Variants in LHX2 observed in about 807,000 individuals in gnomAD.
LHX2 encodes the protein LIM/homeobox protein Lhx2.
Under a neutral mutation model 33.0 loss-of-function variants are expected in LHX2, and 6 were observed. The observed-to-expected ratio is 0.18, with a 90% CI of 0.10 to 0.36. The LOEUF (loss-of-function observed/expected upper bound fraction) is 0.36. Ranked by LOEUF, LHX2 falls within the 10% of genes least tolerant of loss-of-function variation. The pLI is 1.00. For missense variants in LHX2, 442 were observed against 586.2 expected, an observed-to-expected ratio of 0.75 and a Z score of 2.54; for synonymous variants, 292 against 253.1, an observed-to-expected ratio of 1.15 and a Z score of -1.46.
chr9:124,018,933 C>G (rs1859244642), intron 3 of LHX2, among the ~76,000 whole-genome samples: 1 of 152,202 alleles, frequency 6.6e-6, no homozygotes, highest in South Asian at 2.1e-4. Context: ...CCCATGGGGG[C>G]GCCGGGGTCC....
intron 3 of LHX2, among the ~76,000 whole-genome samples, chr9:124,019,777 T>A (rs1859259065): frequency 6.6e-6 from 1 of 152,230 alleles, no homozygotes. Context: ...CAGTTCTCAC[T>A]TTAGGCGGAC....
At chr9:124,013,820 G>A in intron 1 of LHX2, 141 bp from the exon 2 acceptor site, 1 of 736,030 alleles carries the variant, frequency 1.4e-6, no homozygotes, top group Non-Finnish European at 2.2e-6. Flanking sequence ...GTGGGGGGAA[G>A]CGCGCCGCAT....
rs749569684 is a variant in LHX2, at chr9:124,012,977, T to C, written c.120+509T>C. The stretch of plus-strand genomic sequence containing the variant: ...AAGTCTTCGGGGCCAACATTTGTCG[T>C]TGATCGCGTCCCCAGACCCTTGACT... On this transcript the variant is annotated intron_variant, in intron 1 of 4. Transcript: ENST00000373615. The surrounding 1 kb of genome is among the most constrained non-coding windows in gnomAD (Gnocchi z 4.3). Among the ~76,000 whole-genome samples, 1 of 152,224 alleles carries C rather than the reference T, an allele frequency of 6.6e-6. No individual in the cohort carries two copies. Among genetic ancestry groups the C allele is most frequent in the Non-Finnish European group, 1.5e-5 (1 of 68,030 alleles).
Position 124,016,790 on chromosome 9 carries a change from A to G in LHX2, c.727+1265A>G, listed in dbSNP as rs1007294474. 2.0e-5 allele frequency among the ~76,000 whole-genome samples: 3 copies of G among 151,986 alleles called. No homozygotes were observed. Among genetic ancestry groups the G allele is most frequent in the Admixed American group, 6.5e-5 (1 of 15,268 alleles). On this transcript the variant is annotated intron_variant, in intron 3 of 4. Transcript: ENST00000373615. This position sits in a 1 kb window ranked among gnomAD's most constrained non-coding sequence, Gnocchi z 4.4. ...GGCCGGTCGGTGGCGCGGATTTAAG[A>G]TTTGCTGAAGGCACTACCACAGATG...
rs754704095 is a variant in LHX2 at position 124,014,095 on chromosome 9, C to G, written c.255C>G (p.Leu85=). Residue 85 remains leucine (L), a synonymous_variant, in exon 2 of 5, where the codon CTC becomes CTG. Transcript: ENST00000373615. This position sits in a 1 kb window ranked among gnomAD's most constrained non-coding sequence, Gnocchi z 4.8. ...GCCTCAAGTGCTGCGAGTGCAAGCTCAACCTGGAGTCGGAGCTCACCTGTT... is the reference window on the plus strand; with the variant it reads ...GCCTCAAGTGCTGCGAGTGCAAGCTGAACCTGGAGTCGGAGCTCACCTGTT... The part of the protein sequence containing the change: ...MRCLKCCECK[L]NLESELTCFS... 6.2e-7 allele frequency: 1 copy of G among 1,613,702 alleles called. No individual in the cohort carries two copies. The highest frequency in any genetic ancestry group is 1.1e-5 in the South Asian group (1 of 91,090).
intron 1 of LHX2, among the ~76,000 whole-genome samples, 184 bp from the exon 2 acceptor site, chr9:124,013,777 G>T (rs771332581): frequency 6.6e-6 from 1 of 152,248 alleles, no homozygotes; most frequent in Non-Finnish European, 1.5e-5. Flanking sequence ...CCTGGGTTCT[G>T]AACCGCCCAG....
At chr9:124,019,875 G>A (rs1041192123) in intron 3 of LHX2, among the ~76,000 whole-genome samples, 1 of 152,198 alleles carries the variant, frequency 6.6e-6, no homozygotes, top group Non-Finnish European at 1.5e-5. Context: ...GCGACCTTGG[G>A]AGGGGTCCTG....
chr9:124,032,497 A>G lies in LHX2; in HGVS notation c.1011A>G (p.Thr337=). 6.2e-7 allele frequency: 1 copy of G among 1,612,906 alleles called. No individual in the cohort carries two copies. The highest frequency in any genetic ancestry group is 8.5e-7 in the Non-Finnish European group (1 of 1,179,936). ...AAAACACGGGCGTGGACAAGTCGAC[A>G]GACGCGGCGCTGCAGACAGGGACGC... ...RQENTGVDKS[T]DAALQTGTPS... Residue 337 remains threonine, a synonymous_variant, in exon 5 of 5, where the codon ACA becomes ACG. Coordinates refer to ENST00000373615, the MANE Select transcript of LHX2 (RefSeq NM_004789.4). The surrounding 1 kb of genome is among the most constrained non-coding windows in gnomAD (Gnocchi z 4.1).
At chr9:124,018,286 AG>A (rs138841721) in intron 3 of LHX2, among the ~76,000 whole-genome samples, 8,681 of 142,056 alleles carry the variant, frequency 0.061, 266 homozygotes, top group Middle Eastern at 0.14. Context: ...AAAAAAAAAA[AG>A]GAGAGAGAAA....
In LHX2 at chr9:124,015,223, C is replaced by T. The variant is rs549494441; in HGVS notation, c.425C>T (p.Thr142Met). 3.1e-6 allele frequency: 5 copies of T among 1,614,196 alleles called. No individual in the cohort carries two copies. The Admixed American group carries it at 5.0e-5, about 16-fold the overall frequency. Residue 142 changes from threonine to methionine, a missense_variant, in exon 3 of 5, where the codon ACG (threonine) becomes ATG (methionine). By Grantham distance (81) the Thr-to-Met change is moderately conservative. Transcript: ENST00000373615. This position sits in a 1 kb window ranked among gnomAD's most constrained non-coding sequence, Gnocchi z 7.9. ...RDLVYHLNCF[T>M]CTTCNKMLTT... ...TTGGTTTATCACCTCAACTGCTTCA[C>T]GTGCACCACGTGTAACAAGATGCTG...
At chr9:124,020,455 G>A (rs191369020) in intron 3 of LHX2, among the ~76,000 whole-genome samples, 2 of 152,244 alleles carry the variant, frequency 1.3e-5, no homozygotes, top group Non-Finnish European at 2.9e-5. Flanking sequence ...AGGCCCAGGG[G>A]TCCCTCAGTA....
At chr9:124,013,883 T>A in intron 1 of LHX2, 78 bp from the exon 2 acceptor site, 7 of 1,373,490 alleles carry the variant, frequency 5.1e-6, no homozygotes, top group Non-Finnish European at 7.1e-6. Flanking sequence ...GAGGGAGTTG[T>A]GGGTGCCGGT....
At chr9:124,026,139 C>G (rs1225431979) in intron 4 of LHX2, among the ~76,000 whole-genome samples, 1 of 152,148 alleles carries the variant, frequency 6.6e-6, no homozygotes, top group Admixed American at 6.5e-5. Flanking sequence ...GCTGGAGGCA[C>G]TGAGGATTCA....
chr9:124,024,408 T>C (rs1366961968), intron 4 of LHX2, among the ~76,000 whole-genome samples: 1 of 152,252 alleles, frequency 6.6e-6, no homozygotes, highest in Non-Finnish European at 1.5e-5. Flanking sequence ...TGATGGGGAA[T>C]CTGGCAGACA....
intron 4 of LHX2, among the ~76,000 whole-genome samples, chr9:124,030,088 T>C (rs1279078859): frequency 1.3e-5 from 2 of 152,250 alleles, no homozygotes; most frequent in African/African-American, 4.8e-5. Flanking sequence ...ATGTGCCTTC[T>C]TCCTGGGAAG....
chr9:124,019,649 T>C (rs1451916924), intron 3 of LHX2, among the ~76,000 whole-genome samples: 2 of 152,242 alleles, frequency 1.3e-5, no homozygotes, highest in South Asian at 2.1e-4. Context: ...GACATGCTTA[T>C]ACTAAAAAAT....
intron 4 of LHX2, among the ~76,000 whole-genome samples, chr9:124,030,624 TTTC>T (rs1828692290): frequency 9.7e-6 from 1 of 103,396 alleles, no homozygotes; most frequent in Non-Finnish European, 2.1e-5. Context: ...TCATTTTTCT[TTTC>T]TTTTTTTTTT....
chr9:124,022,743 C>T (rs1055801845), intron 4 of LHX2, among the ~76,000 whole-genome samples: 7 of 152,192 alleles, frequency 4.6e-5, no homozygotes, highest in Non-Finnish European at 1.0e-4. Context: ...CTCTGTGGGG[C>T]GGGTGGAGGC....
At chr9:124,019,800 C>T (rs1859260706) in intron 3 of LHX2, among the ~76,000 whole-genome samples, 1 of 152,182 alleles carries the variant, frequency 6.6e-6, no homozygotes, top group Admixed American at 6.5e-5. Flanking sequence ...AATGTACACC[C>T]CTTATGAGGC....
Sources: gnomAD v4.1 joint callset for allele counts (sites outside exome capture counted in the v4.1 genomes callset) on GRCh38, gnomAD v4.1.1 for gene constraint, Gnocchi (gnomAD v3.1) non-coding constraint, MANE v1.5 for transcripts, NCBI Gene and HGNC (gene_info 2026-07-23, HGNC 2026-07-21) for gene names.